The following SGK3 variants were observed in gnomAD, a reference collection of about 807,000 sequenced individuals.
SGK3 encodes the protein serum/glucocorticoid regulated kinase family member 3, also known as serine/threonine-protein kinase Sgk3.
SGK3 carries 47 observed loss-of-function variants against 68.5 expected under a neutral mutation model. The observed-to-expected ratio is 0.69, with a 90% CI of 0.54 to 0.87. SGK3 has a LOEUF of 0.87. SGK3 is among the 40% of genes least tolerant of loss of function. The pLI is 0.00. For synonymous variants in SGK3, 181 were observed against 189.1 expected, an observed-to-expected ratio of 0.96 and a Z score of 0.35; for missense variants, 479 against 575.5, an observed-to-expected ratio of 0.83 and a Z score of 1.72.
chr8:66,797,918 C>T (rs1807765015), intron 2 of SGK3, among the ~76,000 whole-genome samples: 1 of 152,100 alleles, frequency 6.6e-6, no homozygotes, highest in Admixed American at 6.6e-5. Context: ...TATGTTATTC[C>T]CTGAAAATTA....
At chr8:66,831,431 C>T (rs1809298787) in intron 8 of SGK3, 120 bp downstream of exon 8, 2 of 1,227,590 alleles carry the variant, frequency 1.6e-6, no homozygotes, top group African/African-American at 1.5e-5. Flanking sequence ...ACTTGAACTC[C>T]TGGGCTCAAG....
At chr8:66,825,209 C>A (rs76361535) in intron 6 of SGK3, among the ~76,000 whole-genome samples, 1 of 151,964 alleles carries the variant, frequency 6.6e-6, no homozygotes, top group Non-Finnish European at 1.5e-5. Context: ...CTTTTTTCAT[C>A]CATAGTGTCT....
At chr8:66,856,303 G>C (rs112316839) in intron 16 of SGK3, among the ~76,000 whole-genome samples, 2,780 of 152,216 alleles carry the variant, frequency 0.018, 86 homozygotes, top group African/African-American at 0.062. Flanking sequence ...TCCTGACCTT[G>C]TGATCCGCCT....
At chr8:66,770,991 C>T (rs1488102108) in intron 1 of SGK3, among the ~76,000 whole-genome samples, 2 of 152,142 alleles carry the variant, frequency 1.3e-5, no homozygotes, top group African/African-American at 4.8e-5. Flanking sequence ...TCTTTCACAG[C>T]CTGATACCCA....
chr8:66,793,776 C>T lies in SGK3; in HGVS notation c.40C>T (p.Pro14Ser), dbSNP rs766986095. The stretch of plus-strand genomic sequence containing the variant: ...CACCATGGACTACAAGGAAAGCTGC[C>T]CAAGTGTAAGCATTCCCAGCTCCGA... Reference protein sequence around the residue: ...DHTMDYKESCPSVSIPSSDEH... With the variant: ...DHTMDYKESCSSVSIPSSDEH... Residue 14 changes from proline to serine, a missense_variant, in exon 2 of 17, where the codon CCA becomes TCA. This residue lies in a region of SGK3 where 298 missense variants were observed against 329.4 expected (regional missense o/e 0.90). Coordinates refer to ENST00000521198, the MANE Select transcript of SGK3 (RefSeq NM_001033578.3). 4 of 1,613,086 alleles carry T rather than the reference C, an allele frequency of 2.5e-6. No homozygotes were observed. Among genetic ancestry groups the T allele is most frequent in the Non-Finnish European group, 3.4e-6 (4 of 1,179,544 alleles).
At chr8:66,753,823 AAAAAG>A (rs529694848) in intron 1 of SGK3, among the ~76,000 whole-genome samples, 165 of 152,284 alleles carry the variant, frequency 1.1e-3, no homozygotes, top group African/African-American at 3.0e-3. Flanking sequence ...CCCTCTCAAA[AAAAAG>A]AAAAGAAAAG....
At chr8:66,806,705 C>T (rs1010364671) in intron 4 of SGK3, among the ~76,000 whole-genome samples, 6 of 150,348 alleles carry the variant, frequency 4.0e-5, no homozygotes, top group Non-Finnish European at 1.5e-5. Flanking sequence ...CCCAGCTACT[C>T]GGGAGGCTGG....
At position 66,847,326 on chromosome 8, in the gene SGK3, G is replaced by A. The variant is rs1367767221; in HGVS notation, c.1208G>A (p.Arg403Gln). 9.3e-6 allele frequency: 15 copies of A among 1,613,680 alleles called. No individual in the cohort carries two copies. In the South Asian group the frequency reaches 1.1e-4, roughly 12 times the overall value. The change falls in exon 15 of 17, where the codon CGA becomes CAA. Residue 403 changes from arginine to glutamine, a missense_variant. Arg to Gln is a conservative substitution (Grantham distance 43). Transcript: ENST00000521198. ...CTCCTAGAAAAAGACAGGCAAAATC[G>A]ACTTGGTGCCAAGGAAGACTTTGTA... The part of the protein sequence containing the change: ...EELLEKDRQN[R>Q]LGAKEDFLEI...
intron 3 of SGK3, among the ~76,000 whole-genome samples, chr8:66,802,702 G>A (rs1037949615): frequency 2.6e-5 from 4 of 151,338 alleles, no homozygotes; most frequent in Non-Finnish European, 4.4e-5. Context: ...AGAAGGGGAT[G>A]GGGAGGGAAG....
chr8:66,787,530 A>C (rs1807259266), intron 1 of SGK3, among the ~76,000 whole-genome samples: 1 of 152,164 alleles, frequency 6.6e-6, no homozygotes, highest in Non-Finnish European at 1.5e-5. Context: ...TTGGGCTGTC[A>C]GCACTGGCAA....
intron 1 of SGK3, among the ~76,000 whole-genome samples, chr8:66,749,985 A>G (rs1418488923): frequency 6.6e-6 from 1 of 151,466 alleles, no homozygotes; most frequent in African/African-American, 2.4e-5. Flanking sequence ...AAATCTCTAA[A>G]TATGAGAGGT....
intron 1 of SGK3, among the ~76,000 whole-genome samples, chr8:66,778,421 G>C (rs6982137): frequency 0.12 from 18,911 of 152,064 alleles, 2,177 homozygotes; most frequent in African/African-American, 0.3. Flanking sequence ...CTCAGAATCC[G>C]GAGTAGCTGG....
intron 1 of SGK3, among the ~76,000 whole-genome samples, chr8:66,784,793 AGC>A (rs1417905602): frequency 2.6e-5 from 4 of 152,334 alleles, no homozygotes; most frequent in Non-Finnish European, 5.9e-5. Flanking sequence ...TTTTTATCAT[AGC>A]GTTTCACCCA....
intron 6 of SGK3, among the ~76,000 whole-genome samples, chr8:66,828,406 C>T (rs574175773): frequency 1.3e-5 from 2 of 152,288 alleles, no homozygotes; most frequent in East Asian, 1.9e-4. Flanking sequence ...CAACTTAGAG[C>T]TTGATTTCTG....
At chr8:66,713,040 C>T (rs1427768489) in intron 1 of SGK3, among the ~76,000 whole-genome samples, 2 of 152,244 alleles carry the variant, frequency 1.3e-5, no homozygotes, top group Non-Finnish European at 2.9e-5. Flanking sequence ...CTCGAGATTC[C>T]TAAACGCCCA....
chr8:66,713,834 AG>A (rs1423894186), intron 1 of SGK3, among the ~76,000 whole-genome samples: 7 of 152,228 alleles, frequency 4.6e-5, no homozygotes, highest in African/African-American at 1.7e-4. Context: ...TAAACATTAG[AG>A]GAAGTTTTAG....
At chr8:66,740,838 T>C (rs932229972) in intron 1 of SGK3, among the ~76,000 whole-genome samples, 1 of 138,582 alleles carries the variant, frequency 7.2e-6, no homozygotes, top group African/African-American at 2.8e-5. Context: ...ACCTGGGAGA[T>C]GGAGGATGCG....
At chr8:66,739,378 C>G (rs1251100271) in intron 1 of SGK3, among the ~76,000 whole-genome samples, 1 of 148,662 alleles carries the variant, frequency 6.7e-6, no homozygotes, top group African/African-American at 2.6e-5. Context: ...CAATACCACA[C>G]AAATTTATTT....
intron 15 of SGK3, 121 bp from the exon 16 acceptor site, chr8:66,850,710 C>A: frequency 1.2e-6 from 1 of 860,152 alleles, no homozygotes; most frequent in Non-Finnish European, 1.8e-6. Flanking sequence ...ATAACATACA[C>A]ATGTTCCTAA....
Sources: allele counts gnomAD v4.1 joint callset (sites outside exome capture counted in the v4.1 genomes callset), GRCh38; gene constraint gnomAD v4.1.1; regional missense constraint gnomAD v4.1.1; transcripts MANE v1.5; gene names NCBI Gene and HGNC (gene_info 2026-07-23, HGNC 2026-07-21).